The following BRWD1 variants were observed in gnomAD, a reference collection of about 807,000 sequenced individuals.
The protein encoded by BRWD1 is bromodomain and WD repeat-containing protein 1.
Under a neutral mutation model 251.2 loss-of-function variants are expected in BRWD1, and 82 were observed. The observed-to-expected ratio is 0.33, with a 90% CI of 0.27 to 0.39. BRWD1 has a LOEUF of 0.39. Among genes scored for constraint, BRWD1 ranks in the 10% least tolerant of loss-of-function variants. The probability of loss-of-function intolerance (pLI) is 1.00; values close to 1 mark genes in which losing one functional copy is unlikely to be tolerated. For missense variants in BRWD1, 2,233 were observed against 2,711.6 expected (o/e 0.82, Z 3.92); for synonymous variants, 918 against 902.8 (o/e 1.02, Z -0.30).
intron 36 of BRWD1, among the ~76,000 whole-genome samples, chr21:39,207,451 A>AACACACACACACACACACACACACAC (rs58765400): frequency 7.6e-6 from 1 of 131,288 alleles, no homozygotes; most frequent in African/African-American, 3.0e-5. Flanking sequence ...AAAAAAAGAA[A>AACACACACACACACACACACACACAC]ACACACACAC....
intron 8 of BRWD1, among the ~76,000 whole-genome samples, chr21:39,288,061 A>C (rs2035696909): frequency 6.6e-6 from 1 of 152,190 alleles, no homozygotes; most frequent in Non-Finnish European, 1.5e-5. Context: ...TGTCGACCTG[A>C]GCCACAGTCA....
rs2031745200 is a variant in BRWD1 at position 39,195,166 on chromosome 21, A to G, written c.*1093T>C. 3.7e-6 allele frequency: 4 copies of G among 1,076,272 alleles called. No individual in the cohort carries two copies. The highest frequency in any genetic ancestry group is 1.7e-5 in the African/African-American group (1 of 59,370). The allele number at this position is 1,076,272 out of a possible 1,614,324, so 66.7% of individuals were successfully genotyped here. A position where few individuals can be genotyped will look rare whatever the true frequency, so the allele number is the denominator to read the frequency against. Reference sequence around the variant, plus strand: ...TAATAAAGATACATTTAGTTGCCCCAGCAAAGAATGCTTAGGATTGCACAT... The same window carrying G: ...TAATAAAGATACATTTAGTTGCCCCGGCAAAGAATGCTTAGGATTGCACAT... On this transcript the variant is annotated 3_prime_UTR_variant, in exon 41 of 41. Coordinates refer to ENST00000342449, the MANE Select transcript of BRWD1 (RefSeq NM_033656.4).
Position 39,195,759 on chromosome 21 carries a change from T to C in BRWD1, c.*500A>G, listed in dbSNP as rs1356152013. 3 of 983,494 alleles carry C rather than the reference T, an allele frequency of 3.1e-6. No individual in the cohort carries two copies. Among genetic ancestry groups the C allele is most frequent in the Non-Finnish European group, 3.6e-6 (3 of 829,078 alleles). 60.9% of individuals were successfully genotyped at this position (983,494 alleles called of 1,614,324 possible). ...CAGGGGAAGAAAAAAAAAAAAGTGG[T>C]AGGTACCTCGCCTACTAATCATGGT... On this transcript the variant is annotated 3_prime_UTR_variant, in exon 41 of 41. Transcript: ENST00000342449.
chr21:39,196,455 T>C lies in BRWD1; in HGVS notation c.6614A>G (p.Gln2205Arg), dbSNP rs777982442. Reference protein sequence around the residue: ...TANISKTVRRQRQSKRPRLSV... With the variant: ...TANISKTVRRRRQSKRPRLSV... ...TAACCTAGGGCGTTTGCTTTGTCTT[T>C]GACGTCTCACAGTTTTAGATATGTT... Residue 2205 changes from glutamine (Q) to arginine (R), a missense_variant, in exon 41 of 41, where the codon CAA becomes CGA. Gln to Arg is a conservative substitution (Grantham distance 43). This residue lies in a region of BRWD1 where 928 missense variants were observed against 970.0 expected (regional missense o/e 0.96). Transcript: ENST00000342449. The C allele has an allele frequency of 4.3e-6, 7 of 1,613,508 alleles. No individual in the cohort carries two copies. The South Asian group carries it at 7.7e-5, about 18-fold the overall frequency.
intron 12 of BRWD1, among the ~76,000 whole-genome samples, chr21:39,274,894 G>T (rs1176861241): frequency 6.6e-6 from 1 of 152,072 alleles, no homozygotes; most frequent in South Asian, 2.1e-4. Flanking sequence ...ACAAAAATTA[G>T]CCAGGCGTGG....
chr21:39,296,321 A>G lies in BRWD1; in HGVS notation c.392T>C (p.Leu131Pro). 1 of 1,601,814 alleles carries G rather than the reference A, an allele frequency of 6.2e-7. No individual in the cohort carries two copies. Among genetic ancestry groups the G allele is most frequent in the South Asian group, 1.1e-5 (1 of 88,926 alleles). ...TVWKGSAFAA[L>P]HRGRPPEMPV... is the part of the protein sequence containing the mutation. Reference sequence around the variant, plus strand: ...CATTTCAGGAGGTCTTCCTCTATGAAGAGCAGCAAAGGCAGAGCCCTTCCA... The same window carrying G: ...CATTTCAGGAGGTCTTCCTCTATGAGGAGCAGCAAAGGCAGAGCCCTTCCA... The change falls in exon 6 of 41, where the codon CTT becomes CCT. Residue 131 changes from leucine to proline, a missense_variant. Physicochemically the swap from Leu to Pro is moderately conservative, Grantham distance 98. This residue lies in a region of BRWD1 where 185 missense variants were observed against 260.6 expected (regional missense o/e 0.71). Coordinates refer to ENST00000342449, the MANE Select transcript of BRWD1 (RefSeq NM_033656.4).
chr21:39,231,301 C>T (rs988167493), intron 25 of BRWD1, among the ~76,000 whole-genome samples: 4 of 152,132 alleles, frequency 2.6e-5, no homozygotes, highest in Admixed American at 2.6e-4. Flanking sequence ...CTACCATAAC[C>T]AGAAATACCA....
Position 39,313,315 on chromosome 21 carries a change from G to A in BRWD1, c.50-16C>T, listed in dbSNP as rs777854815. 5.9e-6 allele frequency: 9 copies of A among 1,536,752 alleles called. No homozygotes were observed. The highest frequency in any genetic ancestry group is 5.0e-5 in the East Asian group (2 of 40,346). On this transcript the variant is annotated splice_polypyrimidine_tract_variant and intron_variant, in intron 1 of 40. Coordinates refer to ENST00000342449, the MANE Select transcript of BRWD1 (RefSeq NM_033656.4). ...AAGTACAGCTCTGCGGGAAGACAAG[G>A]AGTCAGGTCAAGCCCCGGCGGGGAG...
In BRWD1 at chr21:39,187,200, A is replaced by G. The variant is rs145241759; in HGVS notation, c.*9059T>C. 6.3e-5 allele frequency: 102 copies of G among 1,613,144 alleles called. No individual in the cohort carries two copies. In the African/African-American group the frequency reaches 9.1e-4, roughly 14 times the overall value. On this transcript the variant is annotated 3_prime_UTR_variant, in exon 41 of 41. Transcript: ENST00000342449. Reference sequence around the variant, plus strand: ...CATTTCGATGGGGCAGTTTTCTGCTACTCTTCCTAATCCAGACATTTTCTG... The same window carrying G: ...CATTTCGATGGGGCAGTTTTCTGCTGCTCTTCCTAATCCAGACATTTTCTG...
At chr21:39,209,445 A>G (rs180747468) in intron 36 of BRWD1, among the ~76,000 whole-genome samples, 324 of 152,024 alleles carry the variant, frequency 2.1e-3, no homozygotes, top group Admixed American at 4.8e-3. Context: ...AGAAAAAAAA[A>G]AAAAAGAAAA....
At chr21:39,284,409 T>C (rs1430474766) in intron 8 of BRWD1, among the ~76,000 whole-genome samples, 1 of 152,138 alleles carries the variant, frequency 6.6e-6, no homozygotes, top group African/African-American at 2.4e-5. Context: ...AGCTCATAAG[T>C]TTGAGGCCAA....
chr21:39,264,396 A>C, intron 17 of BRWD1, 64 bp downstream of exon 17: 1 of 994,194 alleles, frequency 1.0e-6, no homozygotes, highest in Non-Finnish European at 1.4e-6. Context: ...GAAATTATTT[A>C]TATTATACTT....
chr21:39,297,352 G>A (rs2035988120), intron 5 of BRWD1: 13 of 985,436 alleles, frequency 1.3e-5, no homozygotes, highest in Non-Finnish European at 1.6e-5. Context: ...TCCTCCTGGG[G>A]TACCAGTACA....
At chr21:39,237,889 T>A (rs2033864554) in intron 22 of BRWD1, among the ~76,000 whole-genome samples, 1 of 151,924 alleles carries the variant, frequency 6.6e-6, no homozygotes, top group South Asian at 2.1e-4. Context: ...CTTATCATAA[T>A]GAAGTAAAAC....
intron 9 of BRWD1, among the ~76,000 whole-genome samples, chr21:39,279,052 C>G (rs1377587537): frequency 2.0e-5 from 3 of 152,006 alleles, no homozygotes; most frequent in Non-Finnish European, 4.4e-5. Flanking sequence ...TCTATAATAC[C>G]TTATTGTATA....
At position 39,291,046 on chromosome 21, in the gene BRWD1, T is replaced by G. The variant is rs930859437; in HGVS notation, c.831+2765A>C. On this transcript the variant is annotated intron_variant, in intron 8 of 40. Transcript: ENST00000342449. ...TCGAGAGGTTGAGATGGGCAGACCT[T>G]GACCCCAGGCTGAGGTTACAGTGAG... Among the ~76,000 whole-genome samples, 5 of 152,186 alleles carry G rather than the reference T, an allele frequency of 3.3e-5. No homozygotes were observed. The South Asian group carries it at 1.0e-3, about 32-fold the overall frequency.
At chr21:39,265,110 A>G (rs569817993) in intron 15 of BRWD1, 91 bp from the exon 16 acceptor site, 1 of 1,301,956 alleles carries the variant, frequency 7.7e-7, no homozygotes, top group South Asian at 1.6e-5. Context: ...CTGTGACAAT[A>G]TATCCCTTCT....
At position 39,196,465 on chromosome 21, in the gene BRWD1, C is replaced by G. The variant is rs778989783; in HGVS notation, c.6604G>C (p.Val2202Leu). 2.5e-6 allele frequency: 4 copies of G among 1,613,148 alleles called. No individual in the cohort carries two copies. The African/African-American group carries it at 5.3e-5, about 22-fold the overall frequency. The change falls in exon 41 of 41, where the codon GTG becomes CTG. Residue 2202 changes from valine to leucine, a missense_variant. This residue lies in a region of BRWD1 where 928 missense variants were observed against 970.0 expected (regional missense o/e 0.96). Transcript: ENST00000342449. The part of the protein sequence containing the change: ...KTFTANISKT[V>L]RRQRQSKRPR... The stretch of plus-strand genomic sequence containing the variant: ...CGTTTGCTTTGTCTTTGACGTCTCA[C>G]AGTTTTAGATATGTTAGCTGTAAAA...
chr21:39,198,861 T>C lies in BRWD1; in HGVS notation c.5555A>G (p.Asp1852Gly). ...GGAACACTGGGACATAGCAATAGGG[T>C]CACAGTTCAGATTTCCTGAAATTGG... ...MNPISGNLNCDPIAMSQCSSD... is the reference protein window; with the variant it reads ...MNPISGNLNCGPIAMSQCSSD... Residue 1852 changes from aspartate to glycine, a missense_variant, in exon 40 of 41, where the codon GAC becomes GGC. Around this residue, in one of 12 missense-constraint regions of BRWD1, gnomAD observed 928 missense variants for 970.0 expected, o/e 0.96. Transcript: ENST00000342449. The C allele has an allele frequency of 1.8e-5, 29 of 1,614,084 alleles. No homozygotes were observed. The highest frequency in any genetic ancestry group is 2.4e-5 in the Non-Finnish European group (28 of 1,179,926).
Sources: allele counts gnomAD v4.1 joint callset (sites outside exome capture counted in the v4.1 genomes callset), GRCh38; gene constraint gnomAD v4.1.1; regional missense constraint gnomAD v4.1.1; transcripts MANE v1.5; gene names NCBI Gene and HGNC (gene_info 2026-07-23, HGNC 2026-07-21).